The following KIF5C variants were observed in gnomAD, a reference collection of about 807,000 sequenced individuals.
KIF5C encodes the protein kinesin family member 5C, also known as kinesin heavy chain isoform 5C.
Under a neutral mutation model 125.2 loss-of-function variants are expected in KIF5C, and 18 were observed. The ratio of observed to expected loss-of-function variants is 0.14; its 90% CI spans 0.10 to 0.21. The LOEUF (loss-of-function observed/expected upper bound fraction) is 0.21, where lower values mean the gene tolerates loss of function less well. Ranked by LOEUF, KIF5C falls within the 10% of genes least tolerant of loss-of-function variation. KIF5C has a pLI of 1.00. For synonymous variants in KIF5C, 405 were observed against 434.0 expected (o/e 0.93, Z 0.83); for missense variants, 780 against 1,183.8 (o/e 0.66, Z 5.01).
intron 4 of KIF5C, 142 bp from the exon 5 acceptor site, chr2:148,941,468 G>C: frequency 2.6e-6 from 3 of 1,156,032 alleles, no homozygotes; most frequent in Non-Finnish European, 3.7e-6. Context: ...AGTAGAGCTG[G>C]CCAGATTTTA....
At chr2:148,981,191 A>C (rs1449439103) in intron 13 of KIF5C, among the ~76,000 whole-genome samples, 164 bp from the exon 14 acceptor site, 1 of 152,110 alleles carries the variant, frequency 6.6e-6, no homozygotes, top group Non-Finnish European at 1.5e-5. Flanking sequence ...TTTTTCTTTT[A>C]TTTTTTTATC....
At chr2:148,960,400 T>C (rs1181665920) in intron 10 of KIF5C, among the ~76,000 whole-genome samples, 1 of 152,236 alleles carries the variant, frequency 6.6e-6, no homozygotes, top group Non-Finnish European at 1.5e-5. Flanking sequence ...TAATGGATGC[T>C]TGTAATGTTT....
At chr2:148,974,549 A>G (rs1026577663) in intron 12 of KIF5C, among the ~76,000 whole-genome samples, 1 of 152,212 alleles carries the variant, frequency 6.6e-6, no homozygotes, top group African/African-American at 2.4e-5. Context: ...TCTTCTGAAA[A>G]CACATTTAAT....
At chr2:148,962,975 C>T (rs1256981666) in intron 11 of KIF5C, among the ~76,000 whole-genome samples, 3 of 151,934 alleles carry the variant, frequency 2.0e-5, no homozygotes, top group Admixed American at 6.6e-5. Flanking sequence ...GTTCGTGACT[C>T]GTTTTCCTTC....
intron 1 of KIF5C, among the ~76,000 whole-genome samples, chr2:148,890,159 G>A (rs549607720): frequency 1.3e-4 from 20 of 152,124 alleles, no homozygotes; most frequent in African/African-American, 4.6e-4. Context: ...CTATTTATAA[G>A]CTATAAATAA....
chr2:148,974,603 C>G (rs999992992), intron 12 of KIF5C, among the ~76,000 whole-genome samples: 1 of 152,180 alleles, frequency 6.6e-6, no homozygotes, highest in Non-Finnish European at 1.5e-5. Flanking sequence ...CCTTTAGGCT[C>G]CACGCATACC....
intron 10 of KIF5C, among the ~76,000 whole-genome samples, chr2:148,956,090 T>C (rs1051086015): frequency 2.6e-5 from 4 of 152,168 alleles, no homozygotes; most frequent in African/African-American, 9.7e-5. Flanking sequence ...ATGAGACTCA[T>C]CAGAATGCAG....
intron 1 of KIF5C, among the ~76,000 whole-genome samples, chr2:148,896,773 G>A (rs1043465674): frequency 3.3e-5 from 5 of 152,036 alleles, no homozygotes; most frequent in African/African-American, 1.2e-4. Context: ...AACGTTTTTA[G>A]TAGAGCAGCA....
Position 148,970,404 on chromosome 2 carries a change from A to G in KIF5C, c.1118-2932A>G, listed in dbSNP as rs377284930. Among the ~76,000 whole-genome samples, 4 of 152,314 alleles carry G rather than the reference A, an allele frequency of 2.6e-5. No homozygotes were observed. The East Asian group carries it at 7.7e-4, about 29-fold the overall frequency. On this transcript the variant is annotated intron_variant, in intron 11 of 25. Transcript: ENST00000435030. Reference sequence around the variant, plus strand: ...ATTGCCTTTTGTGCTTTTTACATATACTATCTTCATTTATCTTTAGAACAA... The same window carrying G: ...ATTGCCTTTTGTGCTTTTTACATATGCTATCTTCATTTATCTTTAGAACAA...
chr2:148,894,580 T>C (rs1055639724), intron 1 of KIF5C, among the ~76,000 whole-genome samples: 1 of 152,138 alleles, frequency 6.6e-6, no homozygotes, highest in Non-Finnish European at 1.5e-5. Flanking sequence ...TCCTGGTGTT[T>C]TCCTTATAAC....
chr2:149,005,847 A>G (rs558287141), intron 22 of KIF5C, among the ~76,000 whole-genome samples: 2 of 152,332 alleles, frequency 1.3e-5, no homozygotes, highest in African/African-American at 4.8e-5. Context: ...TTGTTTGTTA[A>G]AAGGCCATTA....
In KIF5C at chr2:148,991,104, G is replaced by A. The variant is rs754743758; in HGVS notation, c.1811G>A (p.Arg604His). The A allele has an allele frequency of 9.9e-6, 16 of 1,613,788 alleles. No individual in the cohort carries two copies. Among genetic ancestry groups the A allele is most frequent in the South Asian group, 2.2e-5 (2 of 91,062 alleles). Reference protein sequence around the residue: ...MKSEVKSLVNRSKQLESAQMD... With the variant: ...MKSEVKSLVNHSKQLESAQMD... Reference sequence around the variant, plus strand: ...TCAGAGGTCAAGTCCCTGGTGAACCGCAGCAAACAGCTCGAGAGCGCCCAG... The same window carrying A: ...TCAGAGGTCAAGTCCCTGGTGAACCACAGCAAACAGCTCGAGAGCGCCCAG... Residue 604 changes from arginine to histidine, a missense_variant, in exon 16 of 26, where the codon CGC becomes CAC. Physicochemically the swap from Arg to His is conservative, Grantham distance 29 (BLOSUM62 0). This residue lies in a region of KIF5C where 573 missense variants were observed against 742.6 expected (regional missense o/e 0.77). Coordinates refer to ENST00000435030, the MANE Select transcript of KIF5C (RefSeq NM_004522.3).
At chr2:148,961,858 C>T (rs2105130594) in intron 10 of KIF5C, 113 bp from the exon 11 acceptor site, 2 of 1,438,268 alleles carry the variant, frequency 1.4e-6, no homozygotes, top group East Asian at 4.6e-5. Context: ...CCACAGGATC[C>T]CTTCTGCTTC....
At chr2:148,978,830 A>G (rs1002340259) in intron 12 of KIF5C, 92 bp from the exon 13 acceptor site, 1 of 1,442,554 alleles carries the variant, frequency 6.9e-7, no homozygotes, top group Non-Finnish European at 9.2e-7. Context: ...CCTTCTTATC[A>G]GCAAGCTTAT....
rs1682622674 is a variant in KIF5C, at chr2:149,024,363, A to G, written c.*1293A>G. On this transcript the variant is annotated 3_prime_UTR_variant, in exon 26 of 26. Coordinates refer to ENST00000435030, the MANE Select transcript of KIF5C (RefSeq NM_004522.3). ...TTGGGGGTAAGTCAATGACAACCAA[A>G]CCAATCTCGGTGGAAACTCCTATCC... 1.3e-5 allele frequency: 2 copies of G among 152,038 alleles called. No individual in the cohort carries two copies. The highest frequency in any genetic ancestry group is 1.3e-4 in the Admixed American group (2 of 15,242). The allele number at this position is 152,038 out of a possible 1,614,324, so 9.4% of individuals were successfully genotyped here.
chr2:148,895,671 CA>C (rs545450610), intron 1 of KIF5C, among the ~76,000 whole-genome samples: 98 of 152,234 alleles, frequency 6.4e-4, no homozygotes, highest in African/African-American at 2.2e-3. Flanking sequence ...ACTGTCAAAA[CA>C]AAATACTACA....
intron 21 of KIF5C, among the ~76,000 whole-genome samples, chr2:149,001,155 G>A (rs949506476): frequency 1.3e-5 from 2 of 152,190 alleles, no homozygotes; most frequent in African/African-American, 4.8e-5. Flanking sequence ...ACAGAGATAA[G>A]ATCCCTGTCC....
At chr2:148,895,064 T>G (rs183270876) in intron 1 of KIF5C, among the ~76,000 whole-genome samples, 1 of 152,100 alleles carries the variant, frequency 6.6e-6, no homozygotes, top group East Asian at 1.9e-4. Flanking sequence ...AGGCCACCTT[T>G]TGCTTAACAT....
At chr2:149,020,818 A>C (rs1682512940) in intron 25 of KIF5C, among the ~76,000 whole-genome samples, 1 of 152,188 alleles carries the variant, frequency 6.6e-6, no homozygotes, top group Admixed American at 6.5e-5. Flanking sequence ...ATGCATTTTA[A>C]ATAACAACTA....
Sources: gnomAD v4.1 joint callset for allele counts (sites outside exome capture counted in the v4.1 genomes callset) on GRCh38, gnomAD v4.1.1 for gene constraint, gnomAD v4.1.1 regional missense constraint, MANE v1.5 for transcripts, NCBI Gene and HGNC (gene_info 2026-07-23, HGNC 2026-07-21) for gene names.